Variants in TECTB observed in about 807,000 individuals in gnomAD.
The protein encoded by TECTB is beta-tectorin.
A neutral mutation model predicts 43.3 loss-of-function variants in TECTB; 45 were observed. The ratio of observed to expected loss-of-function variants is 1.04; its 90% CI spans 0.82 to 1.33. The LOEUF (loss-of-function observed/expected upper bound fraction) is 1.33, where lower values mean the gene tolerates loss of function less well. TECTB is among the 40% of genes most tolerant of loss of function. The pLI is 0.00. For synonymous variants in TECTB, 169 were observed against 156.7 expected (o/e 1.08, Z -0.59); for missense variants, 399 against 404.7 (o/e 0.99, Z 0.12).
At chr10:112,288,254 A>G (rs989469021) in intron 5 of TECTB, among the ~76,000 whole-genome samples, 10 of 152,192 alleles carry the variant, frequency 6.6e-5, no homozygotes, top group Non-Finnish European at 1.2e-4. Flanking sequence ...GTCAAAAATC[A>G]TTGCCCACCA....
At position 112,299,483 on chromosome 10, in the gene TECTB, G is replaced by A. The variant is rs115485018; in HGVS notation, c.835-9G>A. 3.3e-5 allele frequency: 53 copies of A among 1,614,020 alleles called. No individual in the cohort carries two copies. In the African/African-American group the frequency reaches 6.1e-4, roughly 19 times the overall value. ...CGCTTCTCTCCTGTCTGCCTCTCTGGGTCTTCAGACCTGCGATAAACGGAA... is the reference window on the plus strand; with the variant it reads ...CGCTTCTCTCCTGTCTGCCTCTCTGAGTCTTCAGACCTGCGATAAACGGAA... On this transcript the variant is annotated splice_polypyrimidine_tract_variant and intron_variant, in intron 8 of 10. Coordinates refer to ENST00000646139, the MANE Select transcript of TECTB (RefSeq NM_058222.3).
In TECTB at chr10:112,286,093, T is replaced by A. The variant is rs199962432; in HGVS notation, c.290T>A (p.Phe97Tyr). Residue 97 changes from phenylalanine (F) to tyrosine (Y), a missense_variant, in exon 4 of 11, where the codon TTC becomes TAC. Coordinates refer to ENST00000646139, the MANE Select transcript of TECTB (RefSeq NM_058222.3). ...QSEYKPPIYH[F>Y]YSHIVSNDTT... Reference sequence around the variant, plus strand: ...CAGTACAAGCCACCTATCTATCACTTCTACAGTCACATCGTTTCCAATGAC... The same window carrying A: ...CAGTACAAGCCACCTATCTATCACTACTACAGTCACATCGTTTCCAATGAC... 6.2e-7 allele frequency: 1 copy of A among 1,614,142 alleles called. No individual in the cohort carries two copies.
At chr10:112,294,389 C>T (rs147181153) in intron 7 of TECTB, among the ~76,000 whole-genome samples, 35 of 152,016 alleles carry the variant, frequency 2.3e-4, no homozygotes, top group African/African-American at 6.8e-4. Context: ...TGTGTGTGTG[C>T]GCATGCGTGT....
At chr10:112,290,031 C>T (rs1848484998) in intron 5 of TECTB, among the ~76,000 whole-genome samples, 1 of 152,072 alleles carries the variant, frequency 6.6e-6, no homozygotes. Flanking sequence ...GTTTCAGTTA[C>T]CCTTGGTAAA....
intron 5 of TECTB, among the ~76,000 whole-genome samples, chr10:112,288,207 G>A (rs996183331): frequency 1.3e-5 from 2 of 152,148 alleles, no homozygotes; most frequent in African/African-American, 2.4e-5. Flanking sequence ...TCCCATGAAG[G>A]TTTTACAATA....
intron 9 of TECTB, among the ~76,000 whole-genome samples, chr10:112,301,225 C>A (rs1308025821): frequency 1.3e-5 from 2 of 152,122 alleles, no homozygotes; most frequent in Admixed American, 6.5e-5. Context: ...GAGTTCGAGA[C>A]CAGCCTGGCC....
Position 112,304,756 on chromosome 10 carries a change from G to T in TECTB, c.*1444G>T, listed in dbSNP as rs1022668431. 1.4e-5 allele frequency: 2 copies of T among 140,814 alleles called. No homozygotes were observed. Among genetic ancestry groups the T allele is most frequent in the African/African-American group, 6.5e-5 (2 of 30,646 alleles). 8.7% of individuals were successfully genotyped at this position (140,814 alleles called of 1,614,324 possible). ...GTTTAGTAATAGGCTAAAGTAAAAT[G>T]ACTCAATTTGGTCTAGACTTGGTCT... On this transcript the variant is annotated 3_prime_UTR_variant, in exon 11 of 11. Transcript: ENST00000646139.
At chr10:112,285,370 G>A (rs1165288169) in intron 3 of TECTB, among the ~76,000 whole-genome samples, 1 of 152,146 alleles carries the variant, frequency 6.6e-6, no homozygotes, top group East Asian at 1.9e-4. Flanking sequence ...CTACCTGCCA[G>A]AAGGCTGTGC....
At chr10:112,302,533 C>T (rs899269760) in intron 10 of TECTB, 2 of 405,294 alleles carry the variant, frequency 4.9e-6, no homozygotes, top group Non-Finnish European at 8.6e-6. Flanking sequence ...GACCTCACCC[C>T]TCCTCCATAC....
chr10:112,293,927 T>C lies in TECTB; in HGVS notation c.588-51T>C. ...ATACTTTTTAATCATCAGATGTTTG[T>C]AGGCATAAGATTCTCTGTTTCAAAG... On this transcript the variant is annotated intron_variant, in intron 6 of 10. Transcript: ENST00000646139. 4 of 1,607,048 alleles carry C rather than the reference T, an allele frequency of 2.5e-6. No homozygotes were observed. In the East Asian group the frequency reaches 8.9e-5, roughly 36 times the overall value.
At chr10:112,300,282 AGAAAG>A (rs1427412125) in intron 9 of TECTB, among the ~76,000 whole-genome samples, 1 of 66,144 alleles carries the variant, frequency 1.5e-5, no homozygotes, top group South Asian at 5.2e-4. Context: ...AAGAAAGAAA[AGAAAG>A]AAAGAAAGAA....
chr10:112,303,220 G>C (rs1441976097), intron 10 of TECTB, 43 bp from the exon 11 acceptor site: 1 of 1,612,326 alleles, frequency 6.2e-7, no homozygotes, highest in Non-Finnish European at 8.5e-7. Flanking sequence ...TACCCTTGTA[G>C]AACTGTCTCT....
intron 3 of TECTB, 57 bp from the exon 4 acceptor site, chr10:112,286,014 C>G: frequency 6.2e-7 from 1 of 1,605,668 alleles, no homozygotes; most frequent in Non-Finnish European, 8.5e-7. Context: ...TTCCCAGAAC[C>G]CTCATTCCCA....
intron 9 of TECTB, among the ~76,000 whole-genome samples, chr10:112,301,221 G>T (rs542963721): frequency 1.3e-5 from 2 of 152,092 alleles, no homozygotes; most frequent in African/African-American, 2.4e-5. Context: ...TCAGGAGTTC[G>T]AGACCAGCCT....
At chr10:112,290,445 TC>T (rs1458655653) in intron 5 of TECTB, among the ~76,000 whole-genome samples, 4 of 152,218 alleles carry the variant, frequency 2.6e-5, no homozygotes, top group Non-Finnish European at 5.9e-5. Flanking sequence ...TATAGAGAAC[TC>T]AATCATTAGT....
intron 8 of TECTB, among the ~76,000 whole-genome samples, chr10:112,299,181 A>T (rs1848574447): frequency 6.6e-6 from 1 of 152,260 alleles, no homozygotes; most frequent in Non-Finnish European, 1.5e-5. Context: ...GAGAGTGGTA[A>T]GTAGAAGCCT....
chr10:112,300,287 G>GAAAGA (rs1848595422), intron 9 of TECTB, among the ~76,000 whole-genome samples: 9 of 69,404 alleles, frequency 1.3e-4, no homozygotes, highest in Admixed American at 6.2e-4. Context: ...AGAAAAGAAA[G>GAAAGA]AAAGAAAGAA....
chr10:112,294,043 G>A lies in TECTB; in HGVS notation c.653G>A (p.Trp218Ter), dbSNP rs775608295. ...PSADFMYPLQ[W>*]QLINKGCPTD... ...GCTGACTTCATGTATCCCTTGCAGT[G>A]GCAGCTGATCAACAAGGGGTAGGTA... is the stretch of plus-strand genomic sequence containing the variant. The change falls in exon 7 of 11, where the codon TGG (tryptophan) becomes TAG (stop). Residue 218 changes from tryptophan (W) to a stop codon, truncating the protein, a stop_gained. Transcript: ENST00000646139. LOFTEE classifies it high-confidence loss of function. The A allele has an allele frequency of 1.9e-6, 3 of 1,614,092 alleles. No homozygotes were observed. Among genetic ancestry groups the A allele is most frequent in the East Asian group, 2.2e-5 (1 of 44,878 alleles).
intron 5 of TECTB, among the ~76,000 whole-genome samples, chr10:112,288,718 T>A (rs1429909584): frequency 2.0e-5 from 3 of 152,194 alleles, no homozygotes; most frequent in Non-Finnish European, 4.4e-5. Flanking sequence ...CACAATGGAA[T>A]CAATGCACTG....
Sources: gnomAD v4.1 joint callset for allele counts (sites outside exome capture counted in the v4.1 genomes callset) on GRCh38, gnomAD v4.1.1 for gene constraint, MANE v1.5 for transcripts, NCBI Gene and HGNC (gene_info 2026-07-23, HGNC 2026-07-21) for gene names.